The following ANK2 variants were observed in gnomAD, a reference collection of about 807,000 sequenced individuals.
ANK2 encodes the protein ankyrin 2.
A neutral mutation model predicts 360.5 loss-of-function variants in ANK2; 83 were observed. That is an observed-to-expected ratio of 0.23 (90% CI 0.19 to 0.28). The LOEUF (loss-of-function observed/expected upper bound fraction) is 0.28. Ranked by LOEUF, ANK2 falls within the 10% of genes least tolerant of loss-of-function variation. ANK2 has a pLI of 1.00. For missense variants in ANK2, 4,201 were observed against 4,795.7 expected, an observed-to-expected ratio of 0.88 and a Z score of 3.66; for synonymous variants, 1,740 against 1,759.5, an observed-to-expected ratio of 0.99 and a Z score of 0.28.
Position 112,983,378 on chromosome 4 carries a change from T to TAAA in ANK2, c.21+78876_21+78878dup, listed in dbSNP as rs55756054. ...GTATAGACTTCTAACATTATTGGGT[T>TAAA]AAAAAAAAAAAAAAGAGGCCGGGCG... On this transcript the variant is annotated intron_variant, in intron 2 of 30. Transcript: ENST00000503271. Among the ~76,000 whole-genome samples the TAAA allele has an allele frequency of 1.4e-3, 196 of 143,350 alleles. 1 individual carries two copies. Among genetic ancestry groups the TAAA allele is most frequent in the African/African-American group, 4.8e-3 (189 of 39,156 alleles). The allele number at this position is 143,350 out of a possible 152,430, so 94.0% of individuals were successfully genotyped here.
intron 1 of ANK2, among the ~76,000 whole-genome samples, chr4:113,063,241 A>G (rs890801989): frequency 6.6e-6 from 1 of 152,136 alleles, no homozygotes; most frequent in Non-Finnish European, 1.5e-5. Flanking sequence ...AAATGATAGC[A>G]TTTGGTTATC....
intron 1 of ANK2, among the ~76,000 whole-genome samples, chr4:112,838,519 C>G (rs1365776431): frequency 6.6e-6 from 1 of 152,186 alleles, no homozygotes; most frequent in Non-Finnish European, 1.5e-5. Flanking sequence ...CTCTCCTTCT[C>G]TCTCTTGGAC....
At chr4:113,380,881 A>G (rs922144960) in intron 45 of ANK2, among the ~76,000 whole-genome samples, 3 of 152,090 alleles carry the variant, frequency 2.0e-5, no homozygotes, top group South Asian at 2.1e-4. Flanking sequence ...GCAGATCTTC[A>G]TCTTTTGTTG....
the ANK2 span, among the ~76,000 whole-genome samples, chr4:112,760,494 C>T: frequency 6.6e-6 from 1 of 151,272 alleles, no homozygotes; most frequent in Non-Finnish European, 1.5e-5. Context: ...GCCTCAAATT[C>T]CATATTCTTT....
chr4:113,110,433 G>T (rs113376566), intron 1 of ANK2, among the ~76,000 whole-genome samples: 11 of 152,218 alleles, frequency 7.2e-5, no homozygotes, highest in African/African-American at 2.4e-4. Flanking sequence ...CCTAGCAATA[G>T]ATTTTATTTG....
chr4:113,203,467 C>T lies in ANK2; in HGVS notation c.384+4358C>T, dbSNP rs72898033. Among the ~76,000 whole-genome samples, 957 of 151,542 alleles carry T rather than the reference C, an allele frequency of 6.3e-3. 7 individuals are homozygous for T. Among genetic ancestry groups the T allele is most frequent in the African/African-American group, 0.022 (917 of 41,358 alleles). ...AAAAAAAATACATCTTTAATTTCTCCAAGATGGTAAACTTCTTGGGAGCAG... is the reference window on the plus strand; with the variant it reads ...AAAAAAAATACATCTTTAATTTCTCTAAGATGGTAAACTTCTTGGGAGCAG... On this transcript the variant is annotated intron_variant, in intron 4 of 45. Coordinates refer to ENST00000357077, the MANE Select transcript of ANK2 (RefSeq NM_001148.6).
chr4:113,331,236 T>C (rs998166660), intron 27 of ANK2, among the ~76,000 whole-genome samples: 1 of 152,220 alleles, frequency 6.6e-6, no homozygotes, highest in African/African-American at 2.4e-5. Flanking sequence ...GTCTTGGTGC[T>C]TGAAATACTG....
the ANK2 span, among the ~76,000 whole-genome samples, chr4:112,715,202 G>C: frequency 7.1e-6 from 1 of 141,354 alleles, no homozygotes; most frequent in East Asian, 2.2e-4. Flanking sequence ...TCCTTGCAGC[G>C]CGGTGATTGG....
chr4:113,128,497 A>AT (rs953501430), intron 1 of ANK2, among the ~76,000 whole-genome samples: 2 of 152,030 alleles, frequency 1.3e-5, no homozygotes, highest in South Asian at 2.1e-4. Context: ...TTATTTATTT[A>AT]TTTTTTTTAT....
At chr4:112,999,502 G>T (rs1309030139) in intron 2 of ANK2, among the ~76,000 whole-genome samples, 1 of 152,058 alleles carries the variant, frequency 6.6e-6, no homozygotes, top group Non-Finnish European at 1.5e-5. Flanking sequence ...AGAAAGGGAG[G>T]GGACAAAATT....
At chr4:112,789,081 G>A in the ANK2 span, among the ~76,000 whole-genome samples, 47,104 of 151,862 alleles carry the variant, frequency 0.31, 8,627 homozygotes, top group East Asian at 0.58. Flanking sequence ...TGCTTCTAAG[G>A]AAAATGTAAT....
At position 112,862,711 on chromosome 4, in the gene ANK2, G is replaced by A. The variant is rs112469755; in HGVS notation, c.-39-41744G>A. On this transcript the variant is annotated intron_variant, in intron 1 of 30. Coordinates refer to the ANK2 transcript ENST00000503271. ...CTTAGATTTTTTTTGCAATTATTTC[G>A]TATCTTTGATTTGGAAAACATTTTT... Among the ~76,000 whole-genome samples, 151 of 151,714 alleles carry A rather than the reference G, an allele frequency of 1.0e-3. 1 individual carries two copies. Among genetic ancestry groups the A allele is most frequent in the African/African-American group, 3.5e-3 (145 of 41,356 alleles).
intron 10 of ANK2, 115 bp from the exon 11 acceptor site, chr4:113,255,620 T>C: frequency 9.6e-7 from 1 of 1,038,304 alleles, no homozygotes; most frequent in Non-Finnish European, 1.4e-6. Context: ...ATGGAAATTA[T>C]TTTTTCCCCT....
chr4:112,905,082 A>G (rs868149158), intron 2 of ANK2, among the ~76,000 whole-genome samples: 1 of 152,180 alleles, frequency 6.6e-6, no homozygotes, highest in African/African-American at 2.4e-5. Flanking sequence ...TTCTTAGTCT[A>G]TTTATATCGC....
At chr4:112,983,151 C>A (rs1177658978) in intron 2 of ANK2, among the ~76,000 whole-genome samples, 1 of 152,066 alleles carries the variant, frequency 6.6e-6, no homozygotes, top group Non-Finnish European at 1.5e-5. Context: ...AACGGTCATG[C>A]TGAATTTTAA....
intron 4 of ANK2, among the ~76,000 whole-genome samples, chr4:113,215,324 A>G (rs2099073581): frequency 6.6e-6 from 1 of 152,218 alleles, no homozygotes; most frequent in African/African-American, 2.4e-5. Context: ...AGTATTTACT[A>G]CAGAGGGTTG....
At chr4:113,341,006 A>T (rs2094229927) in intron 32 of ANK2, among the ~76,000 whole-genome samples, 1 of 152,240 alleles carries the variant, frequency 6.6e-6, no homozygotes, top group East Asian at 1.9e-4. Context: ...GTGTCATAAG[A>T]TTTAGTAACG....
At chr4:113,030,466 A>G (rs1351617463) in intron 2 of ANK2, among the ~76,000 whole-genome samples, 1 of 152,140 alleles carries the variant, frequency 6.6e-6, no homozygotes, top group Non-Finnish European at 1.5e-5. Flanking sequence ...TTGATGCTCA[A>G]ATTAGGTAAG....
intron 20 of ANK2, among the ~76,000 whole-genome samples, chr4:113,288,895 T>C (rs974155123): frequency 1.1e-4 from 16 of 152,030 alleles, no homozygotes; most frequent in Non-Finnish European, 2.2e-4. Flanking sequence ...TTTAATGAAC[T>C]CTGTCACATT....
Sources: allele counts gnomAD v4.1 joint callset (sites outside exome capture counted in the v4.1 genomes callset), GRCh38; gene constraint gnomAD v4.1.1; transcripts MANE v1.5; gene names NCBI Gene and HGNC (gene_info 2026-07-23, HGNC 2026-07-21).